KATNBL1: variants seen among roughly 807,000 people sequenced by gnomAD.
The protein encoded by KATNBL1 is KATNB1-like protein 1.
A neutral mutation model predicts 44.7 loss-of-function variants in KATNBL1; 28 were observed. The ratio of observed to expected loss-of-function variants is 0.63; its 90% confidence interval spans 0.46 to 0.86. KATNBL1 has a LOEUF of 0.86. Ranked by LOEUF, KATNBL1 falls within the 40% of genes least tolerant of loss-of-function variation. The pLI, the probability that KATNBL1 is intolerant of heterozygous loss-of-function variation, is 0.00. For synonymous variants in KATNBL1, 78 were observed against 114.9 expected (o/e 0.68, Z 2.06); for missense variants, 272 against 350.7 (o/e 0.78, Z 1.79).
At chr15:34,168,509 T>C (rs1270473596) in intron 1 of KATNBL1, among the ~76,000 whole-genome samples, 1 of 152,150 alleles carries the variant, frequency 6.6e-6, no homozygotes, top group African/African-American at 2.4e-5. Context: ...AACACTCCAC[T>C]GTCAATATTA....
At chr15:34,166,678 T>G (rs1206186940) in intron 1 of KATNBL1, among the ~76,000 whole-genome samples, 3 of 152,322 alleles carry the variant, frequency 2.0e-5, no homozygotes, top group East Asian at 3.9e-4. Flanking sequence ...GGGAGACACC[T>G]CCTAGTAGAG....
intron 1 of KATNBL1, among the ~76,000 whole-genome samples, chr15:34,204,585 G>C (rs1890246564): frequency 6.6e-6 from 1 of 152,162 alleles, no homozygotes; most frequent in South Asian, 2.1e-4. Context: ...TGTTTACATG[G>C]AGTTTTAAGG....
chr15:34,159,204 G>A (rs1483029917), intron 2 of KATNBL1, among the ~76,000 whole-genome samples: 1 of 151,910 alleles, frequency 6.6e-6, no homozygotes, highest in Non-Finnish European at 1.5e-5. Flanking sequence ...ATACATTTAG[G>A]CCACCCTCAG....
At chr15:34,172,398 G>A (rs549970679) in intron 1 of KATNBL1, among the ~76,000 whole-genome samples, 3 of 151,404 alleles carry the variant, frequency 2.0e-5, no homozygotes, top group African/African-American at 7.3e-5. Flanking sequence ...CTGGGATTAC[G>A]GGCTCCCGTC....
At chr15:34,169,189 C>A (rs1169110905) in intron 1 of KATNBL1, among the ~76,000 whole-genome samples, 1 of 152,008 alleles carries the variant, frequency 6.6e-6, no homozygotes, top group Non-Finnish European at 1.5e-5. Context: ...TGATAGACTG[C>A]TAGCAAGACT....
intron 1 of KATNBL1, among the ~76,000 whole-genome samples, chr15:34,173,292 C>G (rs1889227563): frequency 2.0e-5 from 3 of 152,132 alleles, no homozygotes. Context: ...AACAGACCTA[C>G]AAGGTACATC....
chr15:34,186,943 C>G (rs1451617302), intron 1 of KATNBL1, among the ~76,000 whole-genome samples: 1 of 152,218 alleles, frequency 6.6e-6, no homozygotes, highest in South Asian at 2.1e-4. Flanking sequence ...CCGGGCCCAC[C>G]CATGACAGCC....
intron 1 of KATNBL1, among the ~76,000 whole-genome samples, chr15:34,179,951 C>T (rs1431114076): frequency 6.6e-6 from 1 of 152,102 alleles, no homozygotes; most frequent in Non-Finnish European, 1.5e-5. Context: ...GTGGAAATGC[C>T]AATACATGGA....
chr15:34,162,873 G>A (rs547730287), intron 2 of KATNBL1, among the ~76,000 whole-genome samples: 7 of 151,674 alleles, frequency 4.6e-5, no homozygotes, highest in South Asian at 2.1e-4. Flanking sequence ...CTCAGCCTCC[G>A]AAAGTGCTGG....
At chr15:34,154,210 T>C (rs1272886995) in intron 3 of KATNBL1, among the ~76,000 whole-genome samples, 1 of 152,240 alleles carries the variant, frequency 6.6e-6, no homozygotes, top group Non-Finnish European at 1.5e-5. Flanking sequence ...GTCTTAGTAT[T>C]GCTATGGAAG....
chr15:34,188,156 A>G (rs533319509), intron 1 of KATNBL1, among the ~76,000 whole-genome samples: 1 of 148,648 alleles, frequency 6.7e-6, no homozygotes, highest in African/African-American at 2.5e-5. Flanking sequence ...AAAAAAAAAA[A>G]AAAAAAAAAG....
chr15:34,179,517 A>G (rs1889455122), intron 1 of KATNBL1, among the ~76,000 whole-genome samples: 1 of 152,084 alleles, frequency 6.6e-6, no homozygotes, highest in Admixed American at 6.6e-5. Flanking sequence ...TTTGTTTTTT[A>G]AGAGATAAAG....
At chr15:34,173,929 C>G (rs1889248403) in intron 1 of KATNBL1, among the ~76,000 whole-genome samples, 1 of 152,098 alleles carries the variant, frequency 6.6e-6, no homozygotes. Context: ...CAGATCTACC[C>G]TAAAAGAATG....
chr15:34,202,904 T>A (rs1446868639), intron 1 of KATNBL1, among the ~76,000 whole-genome samples: 4 of 152,092 alleles, frequency 2.6e-5, no homozygotes, highest in Admixed American at 2.6e-4. Flanking sequence ...GGCAGAAGAA[T>A]TGCTTGAGCC....
chr15:34,153,154 A>G, intron 3 of KATNBL1, 85 bp from the exon 4 acceptor site: 1 of 859,292 alleles, frequency 1.2e-6, no homozygotes, highest in Non-Finnish European at 1.8e-6. Flanking sequence ...AATAGGCTAT[A>G]TTTGGTGATT....
chr15:34,146,135 G>A (rs1888304205), intron 8 of KATNBL1: 1 of 152,132 alleles, frequency 6.6e-6, no homozygotes. Context: ...TTGTAGAGAC[G>A]GGATGTCATC....
chr15:34,161,195 A>C (rs1428577828), intron 2 of KATNBL1, among the ~76,000 whole-genome samples: 1 of 151,948 alleles, frequency 6.6e-6, no homozygotes. Context: ...ATACTTTGTC[A>C]CTCTTGTGAC....
intron 1 of KATNBL1, among the ~76,000 whole-genome samples, chr15:34,175,116 ACACAC>A: frequency 6.8e-4 from 1 of 1,476 alleles, no homozygotes; most frequent in East Asian, 0.026. Context: ...AATAAGCAAC[ACACAC>A]ACACACACAC....
intron 2 of KATNBL1, among the ~76,000 whole-genome samples, chr15:34,161,613 C>T (rs888186265): frequency 6.6e-6 from 1 of 152,138 alleles, no homozygotes; most frequent in African/African-American, 2.4e-5. Context: ...GCAGCTAGTC[C>T]CTACTGCTAT....
Sources: gnomAD v4.1 joint callset for allele counts (sites outside exome capture counted in the v4.1 genomes callset) on GRCh38, gnomAD v4.1.1 for gene constraint, MANE v1.5 for transcripts, NCBI Gene and HGNC (gene_info 2026-07-23, HGNC 2026-07-21) for gene names.